AUH: variants seen among roughly 807,000 people sequenced by gnomAD.
The protein encoded by AUH is methylglutaconyl-CoA hydratase, mitochondrial.
In AUH, 29 loss-of-function variants were observed where a neutral mutation model predicts 42.3. The ratio of observed to expected loss-of-function variants is 0.69; its 90% confidence interval spans 0.51 to 0.93. The LOEUF (loss-of-function observed/expected upper bound fraction) is 0.93. Among genes scored for constraint, AUH ranks in the 40% least tolerant of loss-of-function variants. The pLI is 0.00. For missense variants in AUH, 452 were observed against 438.1 expected, an observed-to-expected ratio of 1.03 and a Z score of -0.28; for synonymous variants, 174 against 166.4, an observed-to-expected ratio of 1.05 and a Z score of -0.35.
intron 7 of AUH, among the ~76,000 whole-genome samples, chr9:91,217,825 AAC>A (rs1005046567): frequency 1.3e-5 from 2 of 152,212 alleles, no homozygotes; most frequent in Non-Finnish European, 2.9e-5. Flanking sequence ...TGGATTAATC[AAC>A]AGTGTCCTCT....
chr9:91,329,840 A>G (rs1282923519), intron 3 of AUH, among the ~76,000 whole-genome samples: 1 of 152,198 alleles, frequency 6.6e-6, no homozygotes, highest in East Asian at 1.9e-4. Flanking sequence ...AATTAGGAAG[A>G]AAAGGGAATC....
At chr9:91,258,517 G>A (rs10991846) in intron 6 of AUH, among the ~76,000 whole-genome samples, 10,911 of 152,254 alleles carry the variant, frequency 0.072, 681 homozygotes, top group East Asian at 0.26. Context: ...TTACAGGTGT[G>A]GGCCACCGTG....
At chr9:91,218,515 G>A in intron 7 of AUH, 1 of 654,222 alleles carries the variant, frequency 1.5e-6, no homozygotes, top group Non-Finnish European at 1.9e-6. Context: ...GACTCAGTGG[G>A]TCTGAGATGG....
intron 6 of AUH, among the ~76,000 whole-genome samples, chr9:91,227,985 G>A (rs1827620911): frequency 6.6e-6 from 1 of 152,192 alleles, no homozygotes; most frequent in Admixed American, 6.5e-5. Flanking sequence ...TTGCATCCAT[G>A]TTCATCAAGG....
At chr9:91,289,633 G>A (rs956422840) in intron 6 of AUH, among the ~76,000 whole-genome samples, 2 of 152,186 alleles carry the variant, frequency 1.3e-5, no homozygotes, top group Admixed American at 6.5e-5. Flanking sequence ...CCCAAAAGGA[G>A]GATATCTCAG....
intron 6 of AUH, among the ~76,000 whole-genome samples, chr9:91,276,078 G>A (rs763865945): frequency 5.3e-5 from 8 of 151,892 alleles, no homozygotes; most frequent in Non-Finnish European, 4.4e-5. Context: ...TTTCCTTTAC[G>A]TACCCCATAA....
intron 6 of AUH, among the ~76,000 whole-genome samples, chr9:91,287,804 A>T (rs1021459440): frequency 2.6e-5 from 4 of 152,114 alleles, no homozygotes; most frequent in Admixed American, 1.3e-4. Flanking sequence ...TAATATTACT[A>T]AATTCCTGTT....
intron 6 of AUH, among the ~76,000 whole-genome samples, chr9:91,258,307 C>T (rs1364670352): frequency 1.3e-5 from 2 of 151,194 alleles, no homozygotes; most frequent in Non-Finnish European, 3.0e-5. Context: ...GTGATCTCGG[C>T]TCACTGCAAA....
chr9:91,217,653 G>A (rs1826901055), intron 7 of AUH, among the ~76,000 whole-genome samples: 1 of 152,192 alleles, frequency 6.6e-6, no homozygotes, highest in African/African-American at 2.4e-5. Context: ...GAAGGAAAAG[G>A]AGGTAGTCTT....
chr9:91,298,002 A>G lies in AUH; in HGVS notation c.580T>C (p.Cys194Arg). 1 of 1,611,342 alleles carries G rather than the reference A, an allele frequency of 6.2e-7. No individual in the cohort carries two copies. The highest frequency in any genetic ancestry group is 8.5e-7 in the Non-Finnish European group (1 of 1,177,402). ...LGGGLELALA[C>R]DIRVAASSAK... ...TTCTTACCTGCTACTCGTATATCAC[A>G]GGCTAAAGCCAGTTCAAGACCACCA... The change falls in exon 5 of 10, where the codon TGT becomes CGT. Residue 194 changes from cysteine (C) to arginine (R), a missense_variant. Physicochemically the swap from Cys to Arg is radical, Grantham distance 180. Transcript: ENST00000375731.
In AUH at chr9:91,238,382, A is replaced by C. The variant is rs187586960; in HGVS notation, c.656-17390T>G. Among the ~76,000 whole-genome samples the C allele has an allele frequency of 7.2e-5, 11 of 152,334 alleles. No homozygotes were observed. The East Asian group carries it at 2.1e-3, about 29-fold the overall frequency. On this transcript the variant is annotated intron_variant, in intron 6 of 9. Transcript: ENST00000375731. ...CAAAGCCACTGACTAAGTACTGGAC[A>C]ACAGTATCTGTTTGCATCTCACTGC... is the stretch of plus-strand genomic sequence containing the variant.
At chr9:91,239,233 C>T (rs1333356331) in intron 6 of AUH, among the ~76,000 whole-genome samples, 2 of 151,790 alleles carry the variant, frequency 1.3e-5, no homozygotes, top group African/African-American at 4.8e-5. Context: ...AAGGGGGATG[C>T]TCATAACAAA....
At chr9:91,313,524 T>G (rs969358892) in intron 4 of AUH, among the ~76,000 whole-genome samples, 6 of 151,100 alleles carry the variant, frequency 4.0e-5, no homozygotes, top group African/African-American at 1.5e-4. Context: ...GCTAACAAGG[T>G]GAAACCCCGT....
At chr9:91,280,106 T>C (rs1340308950) in intron 6 of AUH, among the ~76,000 whole-genome samples, 1 of 152,184 alleles carries the variant, frequency 6.6e-6, no homozygotes, top group African/African-American at 2.4e-5. Flanking sequence ...GTCACCAAAC[T>C]GGAAGGTTTG....
chr9:91,230,459 A>AT (rs1176027023), intron 6 of AUH, among the ~76,000 whole-genome samples: 2 of 150,940 alleles, frequency 1.3e-5, no homozygotes, highest in Admixed American at 6.6e-5. Context: ...ATTCTTCTAA[A>AT]TTTTTTTCAA....
chr9:91,345,629 C>T (rs529625499), intron 3 of AUH, among the ~76,000 whole-genome samples: 4 of 151,866 alleles, frequency 2.6e-5, no homozygotes, highest in South Asian at 2.1e-4. Context: ...ATCAGGAGAT[C>T]GAGACCATCC....
At chr9:91,236,387 A>C (rs1212832277) in intron 6 of AUH, among the ~76,000 whole-genome samples, 1 of 152,114 alleles carries the variant, frequency 6.6e-6, no homozygotes, top group Non-Finnish European at 1.5e-5. Context: ...CCTCCCAAGT[A>C]CTCCAAGAGT....
chr9:91,329,525 C>T (rs1176206099), intron 3 of AUH, among the ~76,000 whole-genome samples: 1 of 152,160 alleles, frequency 6.6e-6, no homozygotes, highest in Non-Finnish European at 1.5e-5. Flanking sequence ...CATGTGCTTA[C>T]TGGCCATTCA....
At chr9:91,228,036 C>A (rs1386447195) in intron 6 of AUH, among the ~76,000 whole-genome samples, 1 of 152,134 alleles carries the variant, frequency 6.6e-6, no homozygotes, top group Non-Finnish European at 1.5e-5. Flanking sequence ...TGTGTCTGCC[C>A]GGCTTTGGTA....
Sources: gnomAD v4.1 joint callset for allele counts (sites outside exome capture counted in the v4.1 genomes callset) on GRCh38, gnomAD v4.1.1 for gene constraint, MANE v1.5 for transcripts, NCBI Gene and HGNC (gene_info 2026-07-23, HGNC 2026-07-21) for gene names.